The following DENND1A variants were observed in gnomAD, a reference collection of about 807,000 sequenced individuals.
DENND1A encodes the protein DENN domain containing 1A.
Under a neutral mutation model 113.7 loss-of-function variants are expected in DENND1A, and 51 were observed. The ratio of observed to expected loss-of-function variants is 0.45; its 90% CI spans 0.36 to 0.57. The LOEUF (loss-of-function observed/expected upper bound fraction) is 0.57, where lower values mean the gene tolerates loss of function less well. Ranked by LOEUF, DENND1A falls within the 20% of genes least tolerant of loss-of-function variation. The pLI is 0.00. For missense variants in DENND1A, 1,258 were observed against 1,395.9 expected (o/e 0.90, Z 1.57); for synonymous variants, 565 against 570.8 (o/e 0.99, Z 0.14).
At chr9:123,385,557 C>T (rs889964646) in intron 22 of DENND1A, among the ~76,000 whole-genome samples, 1 of 152,156 alleles carries the variant, frequency 6.6e-6, no homozygotes. Context: ...GGGGGAAGGG[C>T]ACCACCTGGC....
At chr9:123,609,382 C>T (rs2060311100) in intron 11 of DENND1A, 54 bp downstream of exon 11, 1 of 1,593,192 alleles carries the variant, frequency 6.3e-7, no homozygotes, top group Non-Finnish European at 8.6e-7. Context: ...CACCGCCACA[C>T]AATGAAACAA....
Position 123,382,103 on chromosome 9 carries a change from C to A in DENND1A, c.2542G>T (p.Asp848Tyr). Residue 848 changes from aspartate to tyrosine, a missense_variant, in exon 24 of 24, where the codon GAC becomes TAC. Coordinates refer to ENST00000394215, the MANE Select transcript of DENND1A (RefSeq NM_001352964.2). Reference protein sequence around the residue: ...TSSDALLALLDPLSTAWSGST... With the variant: ...TSSDALLALLYPLSTAWSGST... ...CCTGACCAGGCTGTGCTGAGCGGGTCCAGGAGGGCGAGCAGGGCGTCACTG... is the reference window on the plus strand; with the variant it reads ...CCTGACCAGGCTGTGCTGAGCGGGTACAGGAGGGCGAGCAGGGCGTCACTG... 6.4e-7 allele frequency: 1 copy of A among 1,560,478 alleles called. No individual in the cohort carries two copies. Among genetic ancestry groups the A allele is most frequent in the Non-Finnish European group, 8.7e-7 (1 of 1,153,674 alleles).
In DENND1A at chr9:123,381,743, G is replaced by A; in HGVS notation, c.2902C>T (p.Pro968Ser). 5 of 1,515,128 alleles carry A rather than the reference G, an allele frequency of 3.3e-6. No individual in the cohort carries two copies. Among genetic ancestry groups the A allele is most frequent in the Non-Finnish European group, 4.4e-6 (5 of 1,131,700 alleles). The allele number at this position is 1,515,128 out of a possible 1,614,324, so 93.9% of individuals were successfully genotyped here. ...GQMPMGTHTS[P>S]LQPLGPPAVA... ...GCTGGGGGACCCAGCGGCTGTAGGG[G>A]GCTCGTGTGGGTGCCCATGGGCATC... The change falls in exon 24 of 24, where the codon CCC (proline) becomes TCC (serine). Residue 968 changes from proline (P) to serine (S), a missense_variant. By Grantham distance (74) the Pro-to-Ser change is moderately conservative (BLOSUM62 -1). Around this residue, in one of 2 missense-constraint regions of DENND1A, gnomAD observed 1,159 missense variants for 1,231.7 expected, o/e 0.94. Coordinates refer to ENST00000394215, the MANE Select transcript of DENND1A (RefSeq NM_001352964.2). This position sits in a 1 kb window ranked among gnomAD's most constrained non-coding sequence, Gnocchi z 4.7.
chr9:123,644,768 C>G (rs1219190443), intron 9 of DENND1A, among the ~76,000 whole-genome samples: 1 of 152,200 alleles, frequency 6.6e-6, no homozygotes, highest in African/African-American at 2.4e-5. Context: ...TCATGGCCAC[C>G]TCTCCTATTG....
chr9:123,394,350 A>T (rs1209949805), intron 21 of DENND1A, among the ~76,000 whole-genome samples: 1 of 151,822 alleles, frequency 6.6e-6, no homozygotes. Context: ...GGCACAGGGA[A>T]CTCCATGTCC....
At chr9:123,546,456 G>A (rs1289296025) in intron 13 of DENND1A, among the ~76,000 whole-genome samples, 1 of 152,032 alleles carries the variant, frequency 6.6e-6, no homozygotes, top group Non-Finnish European at 1.5e-5. Context: ...GGAGGCTGAG[G>A]CAGGAGAATG....
At chr9:123,539,492 C>CCATGAAATCAAGATAGTGG (rs1589045460) in intron 13 of DENND1A, among the ~76,000 whole-genome samples, 1 of 151,390 alleles carries the variant, frequency 6.6e-6, no homozygotes, top group Non-Finnish European at 1.5e-5. Context: ...GAAGTGATTA[C>CCATGAAATCAAGATAGTGG]CATGAAATCA....
intron 2 of DENND1A, among the ~76,000 whole-genome samples, chr9:123,810,713 C>A (rs1027960395): frequency 6.6e-6 from 1 of 151,418 alleles, no homozygotes; most frequent in East Asian, 1.9e-4. Context: ...CAAACTTGAT[C>A]TAGAATTACC....
chr9:123,426,186 C>G (rs2045713904), intron 19 of DENND1A, among the ~76,000 whole-genome samples: 1 of 152,126 alleles, frequency 6.6e-6, no homozygotes, highest in African/African-American at 2.4e-5. Flanking sequence ...CTTGACCATG[C>G]AGGCAAACCA....
At chr9:123,756,240 A>T (rs1374755574) in intron 5 of DENND1A, among the ~76,000 whole-genome samples, 2 of 152,174 alleles carry the variant, frequency 1.3e-5, no homozygotes, top group Non-Finnish European at 2.9e-5. Context: ...AGTCAAAGTT[A>T]TATGTGGATT....
intron 11 of DENND1A, among the ~76,000 whole-genome samples, chr9:123,592,659 T>C (rs1447664571): frequency 6.6e-6 from 1 of 152,174 alleles, no homozygotes. Context: ...GGTTTCTGTG[T>C]TGGTTTGGAT....
intron 11 of DENND1A, among the ~76,000 whole-genome samples, chr9:123,607,195 C>G (rs912495879): frequency 6.6e-6 from 1 of 151,912 alleles, no homozygotes; most frequent in Non-Finnish European, 1.5e-5. Flanking sequence ...ACCTCCAGGA[C>G]CTAGCAAAAT....
intron 4 of DENND1A, among the ~76,000 whole-genome samples, chr9:123,761,276 G>C (rs1332234918): frequency 6.6e-6 from 1 of 152,102 alleles, no homozygotes; most frequent in Non-Finnish European, 1.5e-5. Context: ...TTCTTCACCT[G>C]GAATAACAAT....
intron 11 of DENND1A, among the ~76,000 whole-genome samples, chr9:123,588,357 G>A (rs12340284): frequency 1.3e-5 from 2 of 150,006 alleles, no homozygotes; most frequent in East Asian, 2.0e-4. Flanking sequence ...GATGGCTCAC[G>A]CTTGTAATCT....
At chr9:123,662,220 T>G (rs889679043) in intron 8 of DENND1A, among the ~76,000 whole-genome samples, 1 of 152,192 alleles carries the variant, frequency 6.6e-6, no homozygotes, top group Admixed American at 6.5e-5. Flanking sequence ...TCTTCAAAGT[T>G]GGGAAGATAG....
At chr9:123,664,614 T>A (rs1294436535) in intron 8 of DENND1A, among the ~76,000 whole-genome samples, 1 of 152,120 alleles carries the variant, frequency 6.6e-6, no homozygotes, top group South Asian at 2.1e-4. Flanking sequence ...TTTGGCCACA[T>A]CCCTAAGGCA....
chr9:123,721,124 G>A (rs2067304536), intron 5 of DENND1A, among the ~76,000 whole-genome samples: 1 of 152,134 alleles, frequency 6.6e-6, no homozygotes, highest in South Asian at 2.1e-4. Flanking sequence ...CACTTCACCT[G>A]TAAGTGGTTC....
In DENND1A at chr9:123,380,864, CGT is replaced by C. The variant is rs1287046216; in HGVS notation, c.*566_*567del. ...TTTGGGGTGAAGACACAGGAAAGAA[CGT>C]GTGTGTATATTGCTAGAAACAGTCT... On this transcript the variant is annotated 3_prime_UTR_variant, in exon 24 of 24. Transcript: ENST00000394215. 1.3e-5 allele frequency: 2 copies of C among 154,342 alleles called. No individual in the cohort carries two copies. Among genetic ancestry groups the C allele is most frequent in the Non-Finnish European group, 2.9e-5 (2 of 69,310 alleles). The allele number at this position is 154,342 out of a possible 1,614,324, so 9.6% of individuals were successfully genotyped here. A position where few individuals can be genotyped will look rare whatever the true frequency, so the allele number is the denominator to read the frequency against.
At chr9:123,917,411 T>C (rs145454145) in intron 1 of DENND1A, among the ~76,000 whole-genome samples, 2 of 152,278 alleles carry the variant, frequency 1.3e-5, no homozygotes, top group East Asian at 1.9e-4. Flanking sequence ...TTGAGCTGTC[T>C]AGGTATTGCG....
Sources: gnomAD v4.1 joint callset for allele counts (sites outside exome capture counted in the v4.1 genomes callset) on GRCh38, gnomAD v4.1.1 for gene constraint, gnomAD v4.1.1 regional missense constraint, Gnocchi (gnomAD v3.1) non-coding constraint, MANE v1.5 for transcripts, NCBI Gene and HGNC (gene_info 2026-07-23, HGNC 2026-07-21) for gene names.